The following MYO5B variants were observed in gnomAD, a reference collection of about 807,000 sequenced individuals.
The protein encoded by MYO5B is unconventional myosin-Vb.
In MYO5B, 143 loss-of-function variants were observed where a neutral mutation model predicts 229.3. That is an observed-to-expected ratio of 0.62 (90% CI 0.54 to 0.72). MYO5B has a LOEUF of 0.72. Among genes scored for constraint, MYO5B ranks in the 30% least tolerant of loss-of-function variants. The probability of loss-of-function intolerance (pLI) is 0.00; values close to 1 mark genes in which losing one functional copy is unlikely to be tolerated. For missense variants in MYO5B, 2,321 were observed against 2,331.0 expected, an observed-to-expected ratio of 1.00 and a Z score of 0.09; for synonymous variants, 918 against 885.2, an observed-to-expected ratio of 1.04 and a Z score of -0.66.
intron 29 of MYO5B, among the ~76,000 whole-genome samples, chr18:49,857,390 G>C (rs1466000287): frequency 6.6e-6 from 1 of 152,224 alleles, no homozygotes; most frequent in East Asian, 1.9e-4. Flanking sequence ...GGAACACATT[G>C]CATCTGCAGA....
intron 20 of MYO5B, 121 bp downstream of exon 20, chr18:49,904,551 A>G (rs1445576662): frequency 8.4e-7 from 1 of 1,189,400 alleles, no homozygotes. Flanking sequence ...GAGAGCAGAG[A>G]TGTGAAAGCA....
intron 1 of MYO5B, among the ~76,000 whole-genome samples, chr18:50,120,306 A>T (rs531850778): frequency 6.6e-6 from 1 of 152,332 alleles, no homozygotes; most frequent in Admixed American, 6.5e-5. Flanking sequence ...TCTGCTCGAG[A>T]TTGGCTTCCC....
At chr18:50,007,485 A>T (rs138070885) in intron 4 of MYO5B, among the ~76,000 whole-genome samples, 103 of 152,264 alleles carry the variant, frequency 6.8e-4, no homozygotes, top group African/African-American at 2.4e-3. Flanking sequence ...ACATCGGACC[A>T]TTCTTCTCCC....
chr18:49,965,277 C>G (rs534478523), intron 10 of MYO5B, among the ~76,000 whole-genome samples: 1 of 152,280 alleles, frequency 6.6e-6, no homozygotes, highest in East Asian at 1.9e-4. Flanking sequence ...ACTCACCATG[C>G]CGGCAACATT....
intron 1 of MYO5B, among the ~76,000 whole-genome samples, 198 bp downstream of exon 1, chr18:50,194,569 G>A (rs1229413404): frequency 2.0e-5 from 3 of 152,204 alleles, no homozygotes; most frequent in Admixed American, 1.3e-4. Flanking sequence ...GGTCAGTGCG[G>A]GCGTTCCCGG....
At chr18:50,061,416 A>G (rs1272817816) in intron 1 of MYO5B, among the ~76,000 whole-genome samples, 1 of 152,198 alleles carries the variant, frequency 6.6e-6, no homozygotes, top group Non-Finnish European at 1.5e-5. Context: ...GGGATTTTGG[A>G]TAGAATTAGA....
chr18:49,974,478 G>C lies in MYO5B; in HGVS notation c.1194C>G (p.Ile398Met), dbSNP rs2025723436. The stretch of plus-strand genomic sequence containing the variant: ...GCTTCGCCAGGGCGTTGCGCGCATT[G>C]ATCACCTGCTGCAGGGACATGGTCT... ...YVKTMSLQQV[I>M]NARNALAKHI... Residue 398 changes from isoleucine (I) to methionine (M), a missense_variant, in exon 10 of 40, where the codon ATC (isoleucine) becomes ATG (methionine). Around this residue, in one of 2 missense-constraint regions of MYO5B, gnomAD observed 2,113 missense variants for 2,044.7 expected, o/e 1.03. Coordinates refer to ENST00000285039, the MANE Select transcript of MYO5B (RefSeq NM_001080467.3). 3.1e-6 allele frequency: 5 copies of C among 1,614,160 alleles called. No homozygotes were observed. Among genetic ancestry groups the C allele is most frequent in the African/African-American group, 1.3e-5 (1 of 75,042 alleles).
chr18:50,135,208 G>A (rs1384303463), intron 1 of MYO5B, among the ~76,000 whole-genome samples: 1 of 152,122 alleles, frequency 6.6e-6, no homozygotes, highest in Non-Finnish European at 1.5e-5. Context: ...GTACTACTTT[G>A]GAAGAGAAAA....
chr18:49,965,459 A>C, intron 10 of MYO5B, among the ~76,000 whole-genome samples: 1 of 147,554 alleles, frequency 6.8e-6, no homozygotes, highest in East Asian at 2.0e-4. Context: ...TTCTTTTCAC[A>C]CACACACACA....
At chr18:50,060,548 G>A (rs751925034) in intron 1 of MYO5B, among the ~76,000 whole-genome samples, 3 of 152,188 alleles carry the variant, frequency 2.0e-5, no homozygotes, top group Non-Finnish European at 4.4e-5. Flanking sequence ...AAAATAGCAA[G>A]TCTGACCCAA....
In MYO5B at chr18:49,989,095, G is replaced by T. The variant is rs570507906; in HGVS notation, c.838+1344C>A. On this transcript the variant is annotated intron_variant, in intron 7 of 39. Transcript: ENST00000285039. The stretch of plus-strand genomic sequence containing the variant: ...GCATCATAATTGACAAGCTAAGCAG[G>T]GTAGGACCCACAACTATTTTGCTCA... Among the ~76,000 whole-genome samples, 9 of 152,218 alleles carry T rather than the reference G, an allele frequency of 5.9e-5. No individual in the cohort carries two copies. In the South Asian group the frequency reaches 1.7e-3, roughly 28 times the overall value.
intron 3 of MYO5B, among the ~76,000 whole-genome samples, chr18:50,039,425 C>A (rs962383585): frequency 2.6e-5 from 4 of 151,958 alleles, no homozygotes; most frequent in Non-Finnish European, 4.4e-5. Context: ...TCCGACTCCC[C>A]GGTTCAAGCG....
chr18:49,847,386 C>G, intron 32 of MYO5B, 97 bp from the exon 33 acceptor site: 1 of 1,464,966 alleles, frequency 6.8e-7, no homozygotes, highest in African/African-American at 1.4e-5. Context: ...GGACCTGGGG[C>G]AGGGGAAGGG....
intron 1 of MYO5B, among the ~76,000 whole-genome samples, chr18:50,160,001 G>T (rs1477012721): frequency 6.6e-6 from 1 of 152,226 alleles, no homozygotes; most frequent in Non-Finnish European, 1.5e-5. Context: ...AGAGTCACAA[G>T]TTGGACAGTA....
rs7228893 is a variant in MYO5B at position 50,011,202 on chromosome 18, C to T, written c.456-9791G>A. Among the ~76,000 whole-genome samples, 1,383 of 152,084 alleles carry T rather than the reference C, an allele frequency of 9.1e-3. 19 individuals are homozygous for T. The highest frequency in any genetic ancestry group is 0.032 in the African/African-American group (1,317 of 41,458). On this transcript the variant is annotated intron_variant, in intron 4 of 39. Coordinates refer to ENST00000285039, the MANE Select transcript of MYO5B (RefSeq NM_001080467.3). The stretch of plus-strand genomic sequence containing the variant: ...CTAAAAATACCAAAAATTAGCCGGG[C>T]GTGGTGGCGGGTGCCTGTAGTCCCA...
intron 16 of MYO5B, among the ~76,000 whole-genome samples, chr18:49,930,289 A>T (rs1307596994): frequency 6.6e-6 from 1 of 152,238 alleles, no homozygotes; most frequent in East Asian, 1.9e-4. Context: ...ACAGCTGTTC[A>T]GTTAAGAATC....
intron 1 of MYO5B, among the ~76,000 whole-genome samples, chr18:50,130,585 T>A (rs2032240231): frequency 6.6e-6 from 1 of 152,148 alleles, no homozygotes; most frequent in Non-Finnish European, 1.5e-5. Flanking sequence ...CTACCTGAAC[T>A]GGTGGGTACT....
At chr18:49,896,505 G>A (rs560314616) in intron 21 of MYO5B, among the ~76,000 whole-genome samples, 138 of 152,340 alleles carry the variant, frequency 9.1e-4, no homozygotes, top group South Asian at 2.9e-3. Flanking sequence ...ACATGCTGGA[G>A]TAGCCACCCT....
chr18:49,964,962 A>C (rs1185503956), intron 10 of MYO5B, among the ~76,000 whole-genome samples: 2 of 152,228 alleles, frequency 1.3e-5, no homozygotes, highest in African/African-American at 4.8e-5. Flanking sequence ...GGAATTTACC[A>C]GGCAGCAGCA....
Sources: gnomAD v4.1 joint callset for allele counts (sites outside exome capture counted in the v4.1 genomes callset) on GRCh38, gnomAD v4.1.1 for gene constraint, gnomAD v4.1.1 regional missense constraint, MANE v1.5 for transcripts, NCBI Gene and HGNC (gene_info 2026-07-23, HGNC 2026-07-21) for gene names.